PRKG1: variants seen among roughly 807,000 people sequenced by gnomAD.
PRKG1 encodes protein kinase cGMP-dependent 1.
PRKG1 carries 35 observed loss-of-function variants against 88.1 expected under a neutral mutation model. That is an observed-to-expected ratio of 0.40 (90% CI 0.30 to 0.53). PRKG1 has a LOEUF of 0.53. Ranked by LOEUF, PRKG1 falls within the 20% of genes least tolerant of loss-of-function variation. The pLI, the probability that PRKG1 is intolerant of heterozygous loss-of-function variation, is 0.59. For missense variants in PRKG1, 540 were observed against 839.8 expected, an observed-to-expected ratio of 0.64 and a Z score of 4.41; for synonymous variants, 303 against 292.5, an observed-to-expected ratio of 1.04 and a Z score of -0.37.
intron 5 of PRKG1, chr10:51,908,364 A>C (rs1267477708): frequency 6.6e-6 from 1 of 152,196 alleles, no homozygotes; most frequent in Non-Finnish European, 1.5e-5. Flanking sequence ...AGAAAATGTC[A>C]TACAGGAATA....
At chr10:51,176,077 G>A (rs1040292810) in intron 2 of PRKG1, among the ~76,000 whole-genome samples, 5 of 152,070 alleles carry the variant, frequency 3.3e-5, no homozygotes, top group African/African-American at 7.2e-5. Context: ...TTGGAGAAGC[G>A]AGAGATGCTC....
At chr10:51,283,088 G>A (rs899736098) in intron 2 of PRKG1, among the ~76,000 whole-genome samples, 2 of 152,008 alleles carry the variant, frequency 1.3e-5, no homozygotes, top group Non-Finnish European at 2.9e-5. Context: ...CTCATGCCCT[G>A]TTCAACATTT....
intron 2 of PRKG1, among the ~76,000 whole-genome samples, chr10:51,339,584 T>A (rs1461271036): frequency 2.0e-5 from 3 of 151,920 alleles, no homozygotes; most frequent in Non-Finnish European, 4.4e-5. Context: ...CCGTAACATT[T>A]TGTATACATT....
At chr10:51,176,885 T>A (rs183500422) in intron 2 of PRKG1, among the ~76,000 whole-genome samples, 43 of 152,294 alleles carry the variant, frequency 2.8e-4, no homozygotes, top group African/African-American at 1.0e-3. Flanking sequence ...TCCAGATAAG[T>A]CTATAAAATG....
At chr10:51,481,541 G>C (rs1033644638) in intron 3 of PRKG1, among the ~76,000 whole-genome samples, 9 of 152,070 alleles carry the variant, frequency 5.9e-5, no homozygotes, top group African/African-American at 2.2e-4. Context: ...GAGCCACCAT[G>C]CCCGGCCAGA....
At chr10:51,440,294 T>TA (rs1472957361) in intron 2 of PRKG1, among the ~76,000 whole-genome samples, 19 of 152,076 alleles carry the variant, frequency 1.2e-4, no homozygotes, top group African/African-American at 4.3e-4. Flanking sequence ...TGGCTTGACT[T>TA]ACAATTTTTC....
intron 2 of PRKG1, among the ~76,000 whole-genome samples, chr10:51,301,170 C>G (rs940730554): frequency 2.6e-5 from 4 of 152,190 alleles, no homozygotes; most frequent in Admixed American, 6.5e-5. Flanking sequence ...CATCCTCATT[C>G]ATTTCCTTCA....
intron 4 of PRKG1, among the ~76,000 whole-genome samples, chr10:51,812,232 G>A (rs916454678): frequency 3.9e-5 from 6 of 152,256 alleles, no homozygotes; most frequent in African/African-American, 1.4e-4. Flanking sequence ...AAACTCTTGG[G>A]AAAGCATTTT....
At chr10:52,046,553 CTCAT>C (rs1340600778) in intron 5 of PRKG1, among the ~76,000 whole-genome samples, 3 of 152,104 alleles carry the variant, frequency 2.0e-5, no homozygotes, top group Admixed American at 2.0e-4. Context: ...TTATTATTAA[CTCAT>C]TCAGTCCTCA....
intron 2 of PRKG1, among the ~76,000 whole-genome samples, chr10:51,297,843 C>G (rs1021688381): frequency 8.6e-5 from 13 of 152,014 alleles, no homozygotes; most frequent in Admixed American, 7.9e-4. Flanking sequence ...GATAATGCCT[C>G]CCATTATTTT....
At chr10:51,037,273 C>T (rs189965322) in intron 1 of PRKG1, among the ~76,000 whole-genome samples, 1 of 151,586 alleles carries the variant, frequency 6.6e-6, no homozygotes, top group Non-Finnish European at 1.5e-5. Flanking sequence ...CATAGCGAGA[C>T]CTCCCCGCCA....
chr10:51,428,534 G>A (rs942203796), intron 2 of PRKG1, among the ~76,000 whole-genome samples: 1 of 152,100 alleles, frequency 6.6e-6, no homozygotes, highest in African/African-American at 2.4e-5. Context: ...CATTACTCTG[G>A]AAATTGGCCA....
chr10:51,477,405 A>G (rs775461608), intron 3 of PRKG1, among the ~76,000 whole-genome samples: 35 of 151,556 alleles, frequency 2.3e-4, no homozygotes, highest in Non-Finnish European at 4.7e-4. Context: ...GAGGAGATAG[A>G]AACTGACCTG....
At chr10:51,630,651 G>GCCTAC (rs1839500669) in intron 3 of PRKG1, among the ~76,000 whole-genome samples, 1 of 152,144 alleles carries the variant, frequency 6.6e-6, no homozygotes, top group Admixed American at 6.5e-5. Flanking sequence ...AACCTGGATT[G>GCCTAC]CATACCATGG....
chr10:52,182,744 T>C (rs1589680837), intron 9 of PRKG1, among the ~76,000 whole-genome samples: 1 of 149,250 alleles, frequency 6.7e-6, no homozygotes, highest in East Asian at 2.0e-4. Flanking sequence ...CAGATAGTTG[T>C]AGATATGCGG....
At chr10:51,770,498 AC>A (rs1313792739) in intron 3 of PRKG1, among the ~76,000 whole-genome samples, 1 of 152,142 alleles carries the variant, frequency 6.6e-6, no homozygotes. Context: ...GGGGTACCCA[AC>A]CCCTGGGCCA....
chr10:52,129,067 C>G (rs1837179590), intron 7 of PRKG1, among the ~76,000 whole-genome samples: 1 of 151,970 alleles, frequency 6.6e-6, no homozygotes, highest in African/African-American at 2.4e-5. Context: ...TATTAAATAC[C>G]CTGATCTGTA....
chr10:51,081,074 C>T (rs1462793855), intron 1 of PRKG1, among the ~76,000 whole-genome samples: 3 of 152,200 alleles, frequency 2.0e-5, no homozygotes, highest in Non-Finnish European at 4.4e-5. Context: ...TATAAGCATA[C>T]TACTCTCCAG....
chr10:51,211,084 G>A (rs1270461206), intron 2 of PRKG1, among the ~76,000 whole-genome samples: 13 of 152,194 alleles, frequency 8.5e-5, no homozygotes, highest in African/African-American at 2.9e-4. Flanking sequence ...CTGGCAAAAC[G>A]AATCCAGCAA....
Sources: allele counts gnomAD v4.1 joint callset (sites outside exome capture counted in the v4.1 genomes callset), GRCh38; gene constraint gnomAD v4.1.1; transcripts MANE v1.5; gene names NCBI Gene and HGNC (gene_info 2026-07-23, HGNC 2026-07-21).